The following ABL1 variants were observed in gnomAD, a reference collection of about 807,000 sequenced individuals.
ABL1 encodes the protein ABL proto-oncogene 1, non-receptor tyrosine kinase.
A neutral mutation model predicts 94.7 loss-of-function variants in ABL1; 11 were observed. That is an observed-to-expected ratio of 0.12 (90% CI 0.07 to 0.19). The LOEUF (loss-of-function observed/expected upper bound fraction) is 0.19. Ranked by LOEUF, ABL1 falls within the 10% of genes least tolerant of loss-of-function variation. The probability of loss-of-function intolerance (pLI) is 1.00; values close to 1 mark genes in which losing one functional copy is unlikely to be tolerated. For synonymous variants in ABL1, 656 were observed against 622.4 expected (o/e 1.05, Z -0.80); for missense variants, 1,082 against 1,489.4 (o/e 0.73, Z 4.50).
chr9:130,873,875 A>G (rs1400073572), intron 6 of ABL1, among the ~76,000 whole-genome samples: 1 of 152,170 alleles, frequency 6.6e-6, no homozygotes, highest in Non-Finnish European at 1.5e-5. Flanking sequence ...TAAGGGTAGC[A>G]TGTGTGAAAT....
At chr9:130,761,410 C>G (rs1479305477) in intron 1 of ABL1, among the ~76,000 whole-genome samples, 1 of 152,200 alleles carries the variant, frequency 6.6e-6, no homozygotes, top group Non-Finnish European at 1.5e-5. Flanking sequence ...CCTCCCTACC[C>G]TGAAGCCTCC....
intron 1 of ABL1, among the ~76,000 whole-genome samples, chr9:130,806,551 C>T (rs778716591): frequency 3.9e-5 from 6 of 152,168 alleles, no homozygotes; most frequent in African/African-American, 7.2e-5. Context: ...CAGTGATGCA[C>T]GCCTGTAGTC....
intron 1 of ABL1, among the ~76,000 whole-genome samples, chr9:130,775,157 C>T (rs1832296960): frequency 6.6e-6 from 1 of 152,180 alleles, no homozygotes; most frequent in African/African-American, 2.4e-5. Context: ...TGCATATCCT[C>T]TTGGACTATA....
chr9:130,746,849 C>T (rs535782297), intron 1 of ABL1, among the ~76,000 whole-genome samples: 147 of 152,212 alleles, frequency 9.7e-4, no homozygotes, highest in African/African-American at 3.5e-3. Flanking sequence ...CTTAAAACAA[C>T]AGAAAATTAT....
At chr9:130,714,041 C>T in exon 1 of ABL1, 1 of 326,120 alleles carries the variant, frequency 3.1e-6, no homozygotes, top group Non-Finnish European at 5.6e-6. Flanking sequence ...AATTGTTATT[C>T]AGCCCGTTTA....
At chr9:130,830,214 A>G (rs1445282671) in intron 1 of ABL1, among the ~76,000 whole-genome samples, 6 of 152,220 alleles carry the variant, frequency 3.9e-5, no homozygotes, top group Non-Finnish European at 7.4e-5. Flanking sequence ...TTATAAAAAT[A>G]TAGTAGTCTT....
At chr9:130,731,533 C>T (rs1485831907) in intron 1 of ABL1, among the ~76,000 whole-genome samples, 1 of 152,120 alleles carries the variant, frequency 6.6e-6, no homozygotes, top group Non-Finnish European at 1.5e-5. Flanking sequence ...ATTGACCTAG[C>T]TGTTTAATTG....
intron 1 of ABL1, among the ~76,000 whole-genome samples, chr9:130,752,342 G>T (rs1421613690): frequency 3.9e-5 from 6 of 152,114 alleles, no homozygotes; most frequent in Non-Finnish European, 8.8e-5. Context: ...CTTTTATGGA[G>T]GTTTCATGGT....
intron 1 of ABL1, among the ~76,000 whole-genome samples, chr9:130,774,783 C>T (rs1832292841): frequency 6.6e-6 from 1 of 151,858 alleles, no homozygotes; most frequent in Non-Finnish European, 1.5e-5. Context: ...GAGGTTGAAG[C>T]CGAAGCTGAG....
chr9:130,839,655 T>C (rs925398732), intron 1 of ABL1, among the ~76,000 whole-genome samples: 2 of 152,228 alleles, frequency 1.3e-5, no homozygotes, highest in Admixed American at 6.5e-5. Context: ...CTGACCTCTC[T>C]GAGCTTCCGT....
intron 1 of ABL1, among the ~76,000 whole-genome samples, chr9:130,758,958 C>T (rs1832075869): frequency 6.6e-6 from 1 of 152,134 alleles, no homozygotes; most frequent in Non-Finnish European, 1.5e-5. Context: ...GTGACCATGA[C>T]CTTTTTTTGG....
chr9:130,730,201 C>T (rs1313933145), intron 1 of ABL1, among the ~76,000 whole-genome samples: 2 of 151,976 alleles, frequency 1.3e-5, no homozygotes, highest in Non-Finnish European at 2.9e-5. Context: ...TGCCACCAAA[C>T]CCAGCTAATT....
chr9:130,766,170 G>T (rs934161358), intron 1 of ABL1, among the ~76,000 whole-genome samples: 39 of 152,198 alleles, frequency 2.6e-4, no homozygotes, highest in Admixed American at 2.4e-3. Flanking sequence ...CAAGAATGCG[G>T]CCATGGCACT....
chr9:130,771,752 C>CTT (rs57339049), intron 1 of ABL1, among the ~76,000 whole-genome samples: 1 of 106,926 alleles, frequency 9.4e-6, no homozygotes, highest in Non-Finnish European at 1.9e-5. Context: ...TTCTTTCTTT[C>CTT]TTTTTTTTTT....
intron 8 of ABL1, among the ~76,000 whole-genome samples, chr9:130,879,155 G>A (rs1247968433): frequency 6.6e-6 from 1 of 152,188 alleles, no homozygotes; most frequent in East Asian, 1.9e-4. Context: ...GCGATTACAG[G>A]CGTGAGCCAC....
At chr9:130,759,963 ATTTTT>A (rs34154339) in intron 1 of ABL1, among the ~76,000 whole-genome samples, 14 of 93,008 alleles carry the variant, frequency 1.5e-4, no homozygotes, top group African/African-American at 4.2e-4. Flanking sequence ...AGGTAATTTA[ATTTTT>A]TTTTTTTTTT....
chr9:130,852,039 A>C (rs930430244), intron 1 of ABL1, among the ~76,000 whole-genome samples: 1 of 152,050 alleles, frequency 6.6e-6, no homozygotes, highest in African/African-American at 2.4e-5. Context: ...TCAGCCTCCC[A>C]AAATGCTGGG....
At chr9:130,782,313 G>A (rs912429598) in intron 1 of ABL1, among the ~76,000 whole-genome samples, 2 of 152,108 alleles carry the variant, frequency 1.3e-5, no homozygotes, top group Non-Finnish European at 2.9e-5. Context: ...CGCCTGCCTT[G>A]GCCTCCCAAA....
rs187583714 is a variant in ABL1, at chr9:130,737,361, G to A, written c.136+22906G>A. On this transcript the variant is annotated intron_variant, in intron 1 of 10. Coordinates refer to the ABL1 transcript ENST00000372348. ...CAGCTCACTGTAACCTCCACCTCCC[G>A]AGTTTAAGTGATTCTCCTGCCTCAG... 3.2e-3 allele frequency among the ~76,000 whole-genome samples: 490 copies of A among 151,670 alleles called. 3 individuals are homozygous for A. Among genetic ancestry groups the A allele is most frequent in the South Asian group, 7.1e-3 (34 of 4,768 alleles).
Sources: allele counts gnomAD v4.1 joint callset (sites outside exome capture counted in the v4.1 genomes callset), GRCh38; gene constraint gnomAD v4.1.1; transcripts MANE v1.5; gene names NCBI Gene and HGNC (gene_info 2026-07-23, HGNC 2026-07-21).